PLSCR2: variants seen among roughly 807,000 people sequenced by gnomAD.
The protein encoded by PLSCR2 is phospholipid scramblase 2, also known as PL scramblase 2.
In PLSCR2, 18 loss-of-function variants were observed where a neutral mutation model predicts 25.3. The observed-to-expected ratio is 0.71, with a 90% CI of 0.49 to 1.06. The LOEUF is 1.06. Ranked by LOEUF, PLSCR2 falls within the 50% of genes least tolerant of loss-of-function variation. The pLI, the probability that PLSCR2 is intolerant of heterozygous loss-of-function variation, is 0.00. For synonymous variants in PLSCR2, 88 were observed against 87.3 expected (o/e 1.01, Z -0.04); for missense variants, 243 against 269.5 (o/e 0.90, Z 0.69).
Position 146,424,888 on chromosome 3 carries a change from C to G in PLSCR2, c.101-28967G>C, listed in dbSNP as rs573639511. Among the ~76,000 whole-genome samples the G allele has an allele frequency of 8.9e-5, 7 of 78,326 alleles. No homozygotes were observed. In the East Asian group the frequency reaches 2.8e-3, roughly 32 times the overall value. The allele number at this position is 78,326 out of a possible 152,430, so 51.4% of individuals were successfully genotyped here. On this transcript the variant is annotated intron_variant and NMD_transcript_variant, in intron 2 of 3. Transcript: ENST00000463633. Reference sequence around the variant, plus strand: ...GCCCTAAAGTGCAAGAGTAGTGATGCTGGCAATACAGATATGATAAAGAGA... The same window carrying G: ...GCCCTAAAGTGCAAGAGTAGTGATGGTGGCAATACAGATATGATAAAGAGA...
At chr3:146,395,288 C>T (rs1559965413) in intron 3 of PLSCR2, among the ~76,000 whole-genome samples, 1 of 152,018 alleles carries the variant, frequency 6.6e-6, no homozygotes, top group Non-Finnish European at 1.5e-5. Context: ...AACTAAAACA[C>T]TAGTCAACAA....
intron 5 of PLSCR2, among the ~76,000 whole-genome samples, chr3:146,453,640 T>G (rs1377818545): frequency 6.6e-6 from 1 of 152,136 alleles, no homozygotes; most frequent in African/African-American, 2.4e-5. Flanking sequence ...GCAGCCTATA[T>G]TTTAGATTAA....
chr3:146,423,738 T>C lies in PLSCR2; in HGVS notation c.101-27817A>G, dbSNP rs150912571. On this transcript the variant is annotated intron_variant and NMD_transcript_variant, in intron 2 of 3. Coordinates refer to the PLSCR2 transcript ENST00000463633. ...AATGTGGGAGAGGAAAGCAGAAGAA[T>C]TGAAGTCAGAGAATGGAGATGTTAC... Among the ~76,000 whole-genome samples, 88 of 152,156 alleles carry C rather than the reference T, an allele frequency of 5.8e-4. 1 individual carries two copies. Among genetic ancestry groups the C allele is most frequent in the African/African-American group, 2.0e-3 (85 of 41,540 alleles).
Position 146,458,423 on chromosome 3 carries a change from C to A in PLSCR2, c.88G>T (p.Glu30Ter), listed in dbSNP as rs756982915. ...AATTAATACATACCTTCCAGAAGTTCAATTTGCTGATGAATTAGTATCATA... is the reference window on the plus strand; with the variant it reads ...AATTAATACATACCTTCCAGAAGTTAAATTTGCTGATGAATTAGTATCATA... The change falls in exon 3 of 7, where the codon GAA becomes TAA. Residue 30 changes from glutamate to a stop codon, truncating the protein, a stop_gained. Transcript: ENST00000610787. LOFTEE classifies it high-confidence loss of function. The A allele has an allele frequency of 1.3e-6, 2 of 1,504,226 alleles. No individual in the cohort carries two copies. Among genetic ancestry groups the A allele is most frequent in the South Asian group, 1.2e-5 (1 of 82,732 alleles). 93.2% of individuals were successfully genotyped at this position (1,504,226 alleles called of 1,614,324 possible). A position where few individuals can be genotyped will look rare whatever the true frequency, so the allele number is the denominator to read the frequency against.
At chr3:146,405,296 G>A (rs2038626169) in intron 2 of PLSCR2, among the ~76,000 whole-genome samples, 1 of 152,140 alleles carries the variant, frequency 6.6e-6, no homozygotes, top group African/African-American at 2.4e-5. Context: ...CGGGGCTTTG[G>A]GTGGTATCAA....
chr3:146,495,097 T>C (rs918844011), intron 1 of PLSCR2: 1 of 152,090 alleles, frequency 6.6e-6, no homozygotes, highest in Non-Finnish European at 1.5e-5. Context: ...GAGTATCAAT[T>C]AGAGTAGGAG....
upstream of PLSCR2, chr3:146,461,871 C>CAT (rs1401928696): frequency 7.4e-7 from 1 of 1,342,400 alleles, no homozygotes; most frequent in Admixed American, 2.0e-5. Context: ...TCCATGATCT[C>CAT]ATATATATCT....
intron 1 of PLSCR2, among the ~76,000 whole-genome samples, chr3:146,492,368 CA>C (rs1209747433): frequency 6.6e-6 from 1 of 152,114 alleles, no homozygotes; most frequent in Non-Finnish European, 1.5e-5. Context: ...CATCTCCACA[CA>C]GCACATACTC....
intron 1 of PLSCR2, among the ~76,000 whole-genome samples, chr3:146,481,404 T>A (rs1031730800): frequency 6.6e-6 from 1 of 152,192 alleles, no homozygotes; most frequent in Non-Finnish European, 1.5e-5. Context: ...ACAAAATCAA[T>A]GTGCAAAAAT....
At chr3:146,437,918 T>A (rs932429348), downstream of PLSCR2, among the ~76,000 whole-genome samples, 1 of 152,252 alleles carries the variant, frequency 6.6e-6, no homozygotes, top group Non-Finnish European at 1.5e-5. Flanking sequence ...TTTAGTGCTA[T>A]AAATTTCCCT....
intron 2 of PLSCR2, among the ~76,000 whole-genome samples, chr3:146,419,200 A>G (rs1253479091): frequency 2.0e-5 from 3 of 152,126 alleles, no homozygotes; most frequent in African/African-American, 7.2e-5. Flanking sequence ...TGGAATCCCA[A>G]CTAAAAATCA....
intron 3 of PLSCR2, among the ~76,000 whole-genome samples, chr3:146,392,884 AT>A (rs2038131772): frequency 6.7e-6 from 1 of 149,482 alleles, no homozygotes; most frequent in South Asian, 2.1e-4. Context: ...GCTTTAGCTA[AT>A]TAATTTAGCT....
At chr3:146,470,436 T>C (rs1255183170) in intron 1 of PLSCR2, among the ~76,000 whole-genome samples, 1 of 151,856 alleles carries the variant, frequency 6.6e-6, no homozygotes, top group Non-Finnish European at 1.5e-5. Flanking sequence ...TCCCATCTAC[T>C]GGGGAGGCTG....
At chr3:146,462,615 G>T (rs1046533359), upstream of PLSCR2, among the ~76,000 whole-genome samples, 2 of 151,798 alleles carry the variant, frequency 1.3e-5, no homozygotes, top group South Asian at 4.2e-4. Flanking sequence ...ACAGGCACAC[G>T]CCACCATACC....
intron 2 of PLSCR2, among the ~76,000 whole-genome samples, chr3:146,416,754 A>G (rs2039016542): frequency 6.6e-6 from 1 of 152,174 alleles, no homozygotes; most frequent in African/African-American, 2.4e-5. Context: ...TTCATCTTTT[A>G]TTTTGTAAAT....
At chr3:146,463,234 T>G (rs1176799219), upstream of PLSCR2, among the ~76,000 whole-genome samples, 1 of 152,144 alleles carries the variant, frequency 6.6e-6, no homozygotes, top group Admixed American at 6.6e-5. Flanking sequence ...CGGAGTGCAG[T>G]GGCGAGATCT....
At position 146,455,261 on chromosome 3, in the gene PLSCR2, C is replaced by CA. The variant is rs1320567595; in HGVS notation, c.298dup (p.Cys100LeufsTer36). The CA allele has an allele frequency of 6.2e-7, 1 of 1,613,578 alleles. No homozygotes were observed. Among genetic ancestry groups the CA allele is most frequent in the Non-Finnish European group, 8.5e-7 (1 of 1,179,520 alleles). ...TACCTCCTGAAGGCAGCAGGGGCAA[C>CA]AACAACAGTTACATCTTAGTGGTCT... On this transcript the variant is annotated frameshift_variant, in exon 4 of 7. Coordinates refer to ENST00000610787, the Ensembl canonical transcript of PLSCR2. LOFTEE classifies it high-confidence loss of function.
chr3:146,436,333 G>C (rs1015248294), intron 8 of PLSCR2, among the ~76,000 whole-genome samples: 2 of 152,096 alleles, frequency 1.3e-5, no homozygotes, highest in African/African-American at 4.8e-5. Flanking sequence ...AGCTTGATGG[G>C]GATGGCATTG....
chr3:146,466,462 C>T (rs1466030741), intron 1 of PLSCR2, among the ~76,000 whole-genome samples: 1 of 152,150 alleles, frequency 6.6e-6, no homozygotes, highest in Admixed American at 6.5e-5. Flanking sequence ...GACCACCACA[C>T]CTGGCCTATA....
Sources: allele counts gnomAD v4.1 joint callset (sites outside exome capture counted in the v4.1 genomes callset), GRCh38; gene constraint gnomAD v4.1.1; transcripts MANE v1.5; gene names NCBI Gene and HGNC (gene_info 2026-07-23, HGNC 2026-07-21).